ETFDH: variants seen among roughly 807,000 people sequenced by gnomAD.
The protein encoded by ETFDH is electron transfer flavoprotein dehydrogenase.
ETFDH carries 61 observed loss-of-function variants against 73.2 expected under a neutral mutation model. That is an observed-to-expected ratio of 0.83 (90% confidence interval 0.68 to 1.03). The LOEUF is 1.03. Ranked by LOEUF, ETFDH falls within the 50% of genes least tolerant of loss-of-function variation. The pLI is 0.00. For synonymous variants in ETFDH, 243 were observed against 253.3 expected (o/e 0.96, Z 0.39); for missense variants, 685 against 745.0 (o/e 0.92, Z 0.94).
intron 9 of ETFDH, among the ~76,000 whole-genome samples, chr4:158,701,400 TG>T (rs1227438719): frequency 1.3e-5 from 2 of 152,232 alleles, no homozygotes; most frequent in Non-Finnish European, 2.9e-5. Context: ...TCTGTGGTCC[TG>T]ATTTAATGCT....
rs879439793 is a variant in ETFDH at position 158,706,957 on chromosome 4, G to A, written c.1690+107G>A. 1.6e-5 allele frequency: 12 copies of A among 731,976 alleles called. No homozygotes were observed. In the Admixed American group the frequency reaches 2.3e-4, roughly 14 times the overall value. 45.3% of individuals were successfully genotyped at this position (731,976 alleles called of 1,614,324 possible). A position where few individuals can be genotyped will look rare whatever the true frequency, so the allele number is the denominator to read the frequency against. On this transcript the variant is annotated intron_variant, in intron 12 of 12. Coordinates refer to ENST00000511912, the MANE Select transcript of ETFDH (RefSeq NM_004453.4). ...TATCTCCTTCCATTCCTTAGAAATT[G>A]TAAATGACTTCATCCAGCTTCCTTT...
intron 3 of ETFDH, 43 bp downstream of exon 3, chr4:158,682,467 T>G: frequency 3.4e-6 from 5 of 1,450,232 alleles, no homozygotes; most frequent in Non-Finnish European, 4.8e-6. Context: ...TCTTTTGTAA[T>G]TGTATTTCAG....
rs1773824569 is a variant in ETFDH at position 158,680,487 on chromosome 4, T to G, written c.55T>G (p.Leu19Val). The change falls in exon 2 of 13, where the codon TTA (leucine) becomes GTA (valine). Residue 19 changes from leucine (L) to valine (V), a missense_variant. This residue lies in a region of ETFDH where 405 missense variants were observed against 399.3 expected (regional missense o/e 1.01). Coordinates refer to ENST00000511912, the MANE Select transcript of ETFDH (RefSeq NM_004453.4). ...TGCAGCATATCAGTGCTTTCATGCC[T>G]TAAAAATTAAGAAAAATTATCTACC... ...SCLAYQCFHA[L>V]KIKKNYLPLC... The G allele has an allele frequency of 6.2e-7, 1 of 1,606,704 alleles. No individual in the cohort carries two copies. The highest frequency in any genetic ancestry group is 8.5e-7 in the Non-Finnish European group (1 of 1,173,476).
At position 158,680,468 on chromosome 4, in the gene ETFDH, A is replaced by G. The variant is rs201254467; in HGVS notation, c.36A>G (p.Ala12=). The part of the protein sequence containing the change: ...LVPLAKLSCL[A]YQCFHALKIK... ...ATAATTTTCGTAATTTTTGTGCAGC[A>G]TATCAGTGCTTTCATGCCTTAAAAA... The change falls in exon 2 of 13, where the codon GCA becomes GCG. Residue 12 remains alanine, a splice_region_variant and synonymous_variant. Transcript: ENST00000511912. 38 of 1,603,454 alleles carry G rather than the reference A, an allele frequency of 2.4e-5. No individual in the cohort carries two copies. The South Asian group carries it at 4.1e-4, about 17-fold the overall frequency.
Position 158,708,662 on chromosome 4 carries a change from A to C in ETFDH, c.*135A>C, listed in dbSNP as rs17843966. On this transcript the variant is annotated 3_prime_UTR_variant, in exon 13 of 13. Coordinates refer to ENST00000511912, the MANE Select transcript of ETFDH (RefSeq NM_004453.4). Reference sequence around the variant, plus strand: ...AATGATTATCAAATAAAAATTTTATACTATATGTAAGATTGTCCCATAAAG... The same window carrying C: ...AATGATTATCAAATAAAAATTTTATCCTATATGTAAGATTGTCCCATAAAG... 179,618 of 747,992 alleles carry C rather than the reference A, an allele frequency of 0.24. 22,948 individuals are homozygous for C. Among genetic ancestry groups the C allele is most frequent in the South Asian group, 0.28 (17,429 of 62,548 alleles). 46.3% of individuals were successfully genotyped at this position (747,992 alleles called of 1,614,324 possible).
rs1163350157 is a variant in ETFDH at position 158,679,774 on chromosome 4, T to C, written c.35-693T>C. ...TCAAAAATGTATACATTTTTAAGGA[T>C]ATCAGAAGATACTGTGGCCAGGTGC... On this transcript the variant is annotated intron_variant, in intron 1 of 12. Transcript: ENST00000511912. 4 of 152,168 alleles carry C rather than the reference T, an allele frequency of 2.6e-5. No homozygotes were observed. In the East Asian group the frequency reaches 5.8e-4, roughly 22 times the overall value. The allele number at this position is 152,168 out of a possible 1,614,324, so 9.4% of individuals were successfully genotyped here.
Position 158,695,521 on chromosome 4 carries a change from C to T in ETFDH, c.709C>T (p.Leu237=), listed in dbSNP as rs2150310947. Residue 237 remains leucine, a synonymous_variant, in exon 7 of 13, where the codon CTA becomes TTA. Transcript: ENST00000511912. ...PKATFERGLE[L]HAKVTIFAEG... is the part of the protein sequence containing the mutation. Reference sequence around the variant, plus strand: ...GGCAACATTTGAGAGAGGACTGGAACTACATGCTAAAGTCACAATTTTTGC... The same window carrying T: ...GGCAACATTTGAGAGAGGACTGGAATTACATGCTAAAGTCACAATTTTTGC... 1 of 1,613,350 alleles carries T rather than the reference C, an allele frequency of 6.2e-7. No individual in the cohort carries two copies. Among genetic ancestry groups the T allele is most frequent in the Non-Finnish European group, 8.5e-7 (1 of 1,179,454 alleles).
intron 4 of ETFDH, 53 bp from the exon 5 acceptor site, chr4:158,685,048 G>A (rs1773966863): frequency 2.9e-6 from 3 of 1,025,366 alleles, no homozygotes; most frequent in African/African-American, 1.6e-5. Context: ...TTATGTTTTT[G>A]TAATGTCTTA....
At position 158,680,486 on chromosome 4, in the gene ETFDH, CT is replaced by C. The variant is rs2150304339; in HGVS notation, c.56del (p.Leu19Ter). On this transcript the variant is annotated frameshift_variant, in exon 2 of 13. Coordinates refer to ENST00000511912, the MANE Select transcript of ETFDH (RefSeq NM_004453.4). LOFTEE classifies it high-confidence loss of function. ...SCLAYQCFHA[L>X]KIKKNYLPLC... ...GTGCAGCATATCAGTGCTTTCATGC[CT>C]TAAAAATTAAGAAAAATTATCTACC... is the stretch of plus-strand genomic sequence containing the variant. 3 of 1,606,588 alleles carry C rather than the reference CT, an allele frequency of 1.9e-6. No individual in the cohort carries two copies. The highest frequency in any genetic ancestry group is 2.6e-6 in the Non-Finnish European group (3 of 1,173,442).
In ETFDH at chr4:158,697,625, G is replaced by T; in HGVS notation, c.898G>T (p.Asp300Tyr). ...RVDHTVGWPL[D>Y]RHTYGGSFLY... ...AGATCACACTGTTGGTTGGCCCTTG[G>T]ACAGACATACCTATGGAGGATCTTT... Residue 300 changes from aspartate to tyrosine, a missense_variant, in exon 8 of 13, where the codon GAC (aspartate) becomes TAC (tyrosine). Asp to Tyr is a radical substitution (Grantham distance 160). Transcript: ENST00000511912. The T allele has an allele frequency of 6.2e-7, 1 of 1,613,426 alleles. No individual in the cohort carries two copies. The highest frequency in any genetic ancestry group is 1.1e-5 in the South Asian group (1 of 91,058).
At chr4:158,701,782 C>T (rs949517420) in intron 9 of ETFDH, among the ~76,000 whole-genome samples, 4 of 152,174 alleles carry the variant, frequency 2.6e-5, no homozygotes, top group South Asian at 2.1e-4. Context: ...GAAAGAACAA[C>T]GCTGCTTGGC....
chr4:158,680,971 CTTGA>C (rs1287281454), intron 2 of ETFDH, among the ~76,000 whole-genome samples: 21 of 152,288 alleles, frequency 1.4e-4, no homozygotes, highest in Admixed American at 1.4e-3. Flanking sequence ...GTACATGATA[CTTGA>C]TAATAAACGA....
intron 10 of ETFDH, among the ~76,000 whole-genome samples, chr4:158,704,775 G>C (rs990414401): frequency 1.3e-5 from 2 of 152,160 alleles, no homozygotes; most frequent in Admixed American, 6.5e-5. Flanking sequence ...CCTCTAGTTA[G>C]AGGTATGTAA....
chr4:158,682,251 CCTGCAGGGCTCT>C lies in ETFDH; in HGVS notation c.239_250del (p.Gly80_Ala83del). On this transcript the variant is annotated inframe_deletion, in exon 3 of 13. Transcript: ENST00000511912. ...AGATGTTGTAATAGTTGGTGCAGGC[CCTGCAGGGCTCT>C]CTGCAGCTGTTCGTCTAAAACAGTT... 6.2e-7 allele frequency: 1 copy of C among 1,614,036 alleles called. No individual in the cohort carries two copies. Among genetic ancestry groups the C allele is most frequent in the Non-Finnish European group, 8.5e-7 (1 of 1,179,992 alleles).
intron 9 of ETFDH, among the ~76,000 whole-genome samples, chr4:158,699,516 G>A (rs533221557): frequency 6.6e-6 from 1 of 152,294 alleles, no homozygotes; most frequent in African/African-American, 2.4e-5. Flanking sequence ...GTTGCAGTGA[G>A]CCAAGATTGT....
At chr4:158,676,806 A>G (rs999332101) in intron 1 of ETFDH, among the ~76,000 whole-genome samples, 5 of 152,212 alleles carry the variant, frequency 3.3e-5, no homozygotes, top group Non-Finnish European at 5.9e-5. Flanking sequence ...CTGATGGCTA[A>G]TGCTGCTGAG....
rs1182315467 is a variant in ETFDH at position 158,706,778 on chromosome 4, A to G, written c.1618A>G (p.Arg540Gly). 4 of 1,613,996 alleles carry G rather than the reference A, an allele frequency of 2.5e-6. No individual in the cohort carries two copies. The Admixed American group carries it at 5.0e-5, about 20-fold the overall frequency. Residue 540 changes from arginine (R) to glycine (G), a missense_variant, in exon 12 of 13, where the codon AGG (arginine) becomes GGG (glycine). Arg to Gly is a moderately radical substitution (Grantham distance 125). Around this residue, in one of 3 missense-constraint regions of ETFDH, gnomAD observed 201 missense variants for 225.2 expected, o/e 0.89. Transcript: ENST00000511912. Reference sequence around the variant, plus strand: ...TGACCAGCCGGCACACTTAACCTTAAGGGATGACAGTATACCTGTAAATAG... The same window carrying G: ...TGACCAGCCGGCACACTTAACCTTAGGGGATGACAGTATACCTGTAAATAG... The part of the protein sequence containing the change: ...EHDQPAHLTL[R>G]DDSIPVNRNL...
chr4:158,683,414 G>A (rs1773913189), intron 3 of ETFDH, among the ~76,000 whole-genome samples: 1 of 152,100 alleles, frequency 6.6e-6, no homozygotes, highest in Non-Finnish European at 1.5e-5. Flanking sequence ...AATTTCGTCT[G>A]TCTCTCCTTT....
At chr4:158,677,893 T>G (rs1341122555) in intron 1 of ETFDH, among the ~76,000 whole-genome samples, 1 of 152,220 alleles carries the variant, frequency 6.6e-6, no homozygotes, top group Non-Finnish European at 1.5e-5. Flanking sequence ...TAGAATTTTG[T>G]TTTTGGTTTA....
Sources: allele counts gnomAD v4.1 joint callset (sites outside exome capture counted in the v4.1 genomes callset), GRCh38; gene constraint gnomAD v4.1.1; regional missense constraint gnomAD v4.1.1; transcripts MANE v1.5; gene names NCBI Gene and HGNC (gene_info 2026-07-23, HGNC 2026-07-21).